The following TFB1M variants were observed in gnomAD, a reference collection of about 807,000 sequenced individuals.
TFB1M encodes the protein dimethyladenosine transferase 1, mitochondrial.
TFB1M carries 27 observed loss-of-function variants against 31.1 expected under a neutral mutation model. The ratio of observed to expected loss-of-function variants is 0.87; its 90% CI spans 0.64 to 1.20. The LOEUF is 1.20. Ranked by LOEUF, TFB1M falls within the 50% of genes most tolerant of loss-of-function variation. TFB1M has a pLI of 0.00. For synonymous variants in TFB1M, 166 were observed against 151.8 expected (o/e 1.09, Z -0.69); for missense variants, 394 against 418.7 (o/e 0.94, Z 0.51).
chr6:155,312,634 T>A (rs1414473755), intron 1 of TFB1M, among the ~76,000 whole-genome samples: 1 of 152,152 alleles, frequency 6.6e-6, no homozygotes, highest in African/African-American at 2.4e-5. Flanking sequence ...ATCAATGAGC[T>A]TGGATTTCAA....
At chr6:155,232,762 G>A in the TFB1M span, 1 of 152,132 alleles carries the variant, frequency 6.6e-6, no homozygotes, top group Non-Finnish European at 1.5e-5. Context: ...GCAAAGTGAC[G>A]GGACCAGCTC....
Position 155,314,303 on chromosome 6 carries a change from C to T in TFB1M, c.126G>A (p.Arg42=), listed in dbSNP as rs1453973694. The T allele has an allele frequency of 6.2e-7, 1 of 1,614,062 alleles. No individual in the cohort carries two copies. The highest frequency in any genetic ancestry group is 8.5e-7 in the Non-Finnish European group (1 of 1,179,974). The part of the protein sequence containing the change: ...QLSQNFLLDL[R]LTDKIVRKAG... Reference sequence around the variant, plus strand: ...CACTGCTAAGCCATCCACCTGTCAGCCTCAAGTCCAGGAGGAAATTCTGTG... The same window carrying T: ...CACTGCTAAGCCATCCACCTGTCAGTCTCAAGTCCAGGAGGAAATTCTGTG... The change falls in exon 1 of 7, where the codon AGG becomes AGA. Residue 42 remains arginine (R), a synonymous_variant. Coordinates refer to ENST00000367166, the MANE Select transcript of TFB1M (RefSeq NM_016020.4).
the TFB1M span, chr6:155,244,129 G>GTTTGCC: frequency 6.4e-7 from 1 of 1,552,772 alleles, no homozygotes; most frequent in African/African-American, 1.4e-5. Context: ...GTTAGTCTCT[G>GTTTGCC]TTTGCCTTTT....
At chr6:155,285,905 T>G (rs1227704175) in intron 4 of TFB1M, among the ~76,000 whole-genome samples, 1 of 152,158 alleles carries the variant, frequency 6.6e-6, no homozygotes, top group Non-Finnish European at 1.5e-5. Context: ...CCAACAAGAT[T>G]TTAAAAATTA....
rs1328818215 is a variant in TFB1M at position 155,260,369 on chromosome 6, A to G, written c.698T>C (p.Leu233Ser). Residue 233 changes from leucine to serine, a missense_variant, in exon 6 of 7, where the codon TTG (leucine) becomes TCG (serine). Physicochemically the swap from Leu to Ser is moderately radical, Grantham distance 145. Coordinates refer to ENST00000367166, the MANE Select transcript of TFB1M (RefSeq NM_016020.4). ...TGGCTGCTCTATCTTGGGCTGTATCAAGGGAGTGAAGTGCACCACGCCCAC... is the reference window on the plus strand; with the variant it reads ...TGGCTGCTCTATCTTGGGCTGTATCGAGGGAGTGAAGTGCACCACGCCCAC... ...VDVGVVHFTPLIQPKIEQPFK... is the reference protein window; with the variant it reads ...VDVGVVHFTPSIQPKIEQPFK... The G allele has an allele frequency of 6.2e-7, 1 of 1,614,212 alleles. No homozygotes were observed. The highest frequency in any genetic ancestry group is 1.7e-5 in the Admixed American group (1 of 60,024).
At chr6:155,252,870 ACTT>A, downstream of TFB1M, 1 of 1,321,486 alleles carries the variant, frequency 7.6e-7, no homozygotes, top group Non-Finnish European at 1.1e-6. Flanking sequence ...GAGAACATAA[ACTT>A]CTATTCACTG....
At chr6:155,249,818 G>C in the TFB1M span, 1 of 1,559,110 alleles carries the variant, frequency 6.4e-7, no homozygotes, top group Non-Finnish European at 8.8e-7. Flanking sequence ...ACAAATAACA[G>C]TTATGAAATA....
the TFB1M span, among the ~76,000 whole-genome samples, chr6:155,246,585 C>T: frequency 6.6e-6 from 1 of 152,210 alleles, no homozygotes; most frequent in Admixed American, 6.5e-5. Context: ...ATCCTCCTAT[C>T]TAGGCCTCCC....
rs564049341 is a variant in TFB1M at position 155,314,172 on chromosome 6, C to T, written c.133+124G>A. ...GTTCTGATACAAAGAGGTCGAAGGACCTGACCAAAAGCCCGTCGCACGCCA... is the reference window on the plus strand; with the variant it reads ...GTTCTGATACAAAGAGGTCGAAGGATCTGACCAAAAGCCCGTCGCACGCCA... On this transcript the variant is annotated intron_variant, in intron 1 of 6. Transcript: ENST00000367166. The T allele has an allele frequency of 8.9e-4, 1,371 of 1,545,344 alleles. 4 individuals are homozygous for T. Among genetic ancestry groups the T allele is most frequent in the Non-Finnish European group, 1.1e-3 (1,214 of 1,148,066 alleles).
At chr6:155,269,161 C>A (rs570492840) in intron 5 of TFB1M, among the ~76,000 whole-genome samples, 132 of 151,802 alleles carry the variant, frequency 8.7e-4, no homozygotes, top group African/African-American at 3.2e-3. Flanking sequence ...GTAGGACTTA[C>A]AAATATGCTC....
At chr6:155,314,069 G>A in intron 1 of TFB1M, 2 of 1,415,090 alleles carry the variant, frequency 1.4e-6, no homozygotes, top group Non-Finnish European at 1.8e-6. Flanking sequence ...CAGCCTGCCG[G>A]CAGGCTACAC....
chr6:155,273,705 C>T (rs139522719), intron 5 of TFB1M, among the ~76,000 whole-genome samples: 2 of 152,018 alleles, frequency 1.3e-5, no homozygotes, highest in African/African-American at 2.4e-5. Context: ...GGAAAGGATG[C>T]GGGATGACCC....
chr6:155,298,383 T>C (rs1777274229), intron 3 of TFB1M, 94 bp downstream of exon 3: 2 of 727,362 alleles, frequency 2.7e-6, no homozygotes, highest in South Asian at 1.5e-5. Flanking sequence ...AATATAAACA[T>C]ATAAGACATT....
Position 155,260,366 on chromosome 6 carries a change from A to AT in TFB1M, c.700dup (p.Ile234AsnfsTer37). On this transcript the variant is annotated frameshift_variant, in exon 6 of 7. Transcript: ENST00000367166. LOFTEE classifies it high-confidence loss of function. Reference sequence around the variant, plus strand: ...GAATGGCTGCTCTATCTTGGGCTGTATCAAGGGAGTGAAGTGCACCACGCC... The same window carrying AT: ...GAATGGCTGCTCTATCTTGGGCTGTATTCAAGGGAGTGAAGTGCACCACGCC... 1.2e-6 allele frequency: 2 copies of AT among 1,614,228 alleles called. No individual in the cohort carries two copies. Among genetic ancestry groups the AT allele is most frequent in the Non-Finnish European group, 1.7e-6 (2 of 1,180,028 alleles).
chr6:155,286,421 A>G (rs1776630004), intron 4 of TFB1M, among the ~76,000 whole-genome samples: 1 of 151,074 alleles, frequency 6.6e-6, no homozygotes, highest in African/African-American at 2.4e-5. Flanking sequence ...TCTAAAATAT[A>G]TGTATCTATG....
At chr6:155,258,345 G>GGTAA (rs148160643) in intron 6 of TFB1M, among the ~76,000 whole-genome samples, 54 of 152,238 alleles carry the variant, frequency 3.5e-4, no homozygotes, top group Middle Eastern at 3.4e-3. Flanking sequence ...ACTTTTTAAA[G>GGTAA]GTAAGTAAGT....
intron 5 of TFB1M, among the ~76,000 whole-genome samples, chr6:155,272,320 G>C (rs1159224193): frequency 2.0e-5 from 3 of 152,140 alleles, no homozygotes; most frequent in African/African-American, 4.8e-5. Context: ...AATAAACCTT[G>C]TCTGGAAAGC....
downstream of TFB1M, chr6:155,254,010 GAA>G: frequency 1.9e-6 from 3 of 1,614,090 alleles, no homozygotes; most frequent in Non-Finnish European, 2.5e-6. Flanking sequence ...TGATCCATAC[GAA>G]GTCAGAAATA....
chr6:155,243,211 G>A, the TFB1M span, among the ~76,000 whole-genome samples: 1 of 152,122 alleles, frequency 6.6e-6, no homozygotes, highest in South Asian at 2.1e-4. Flanking sequence ...CTTTGAATAT[G>A]TGAGTTTGAG....
Sources: allele counts gnomAD v4.1 joint callset (sites outside exome capture counted in the v4.1 genomes callset), GRCh38; gene constraint gnomAD v4.1.1; transcripts MANE v1.5; gene names NCBI Gene and HGNC (gene_info 2026-07-23, HGNC 2026-07-21).